Variants in IGF1R observed in about 807,000 individuals in gnomAD.
IGF1R encodes insulin-like growth factor 1 receptor.
A neutral mutation model predicts 144.6 loss-of-function variants in IGF1R; 44 were observed. The observed-to-expected ratio is 0.30, with a 90% CI of 0.24 to 0.39. The LOEUF (loss-of-function observed/expected upper bound fraction) is 0.39. Among genes scored for constraint, IGF1R ranks in the 10% least tolerant of loss-of-function variants. The probability of loss-of-function intolerance (pLI) is 1.00; values close to 1 mark genes in which losing one functional copy is unlikely to be tolerated. For missense variants in IGF1R, 1,355 were observed against 1,833.7 expected, an observed-to-expected ratio of 0.74 and a Z score of 4.77; for synonymous variants, 795 against 722.8, an observed-to-expected ratio of 1.10 and a Z score of -1.60.
intron 2 of IGF1R, among the ~76,000 whole-genome samples, chr15:98,872,766 C>A (rs899994248): frequency 1.4e-4 from 21 of 152,010 alleles, no homozygotes; most frequent in African/African-American, 5.1e-4. Flanking sequence ...GCCTGCCATC[C>A]CCATGCTCTG....
chr15:98,776,302 G>A (rs1404851651), intron 2 of IGF1R, among the ~76,000 whole-genome samples: 5 of 151,280 alleles, frequency 3.3e-5, no homozygotes, highest in Admixed American at 1.3e-4. Context: ...CTCCTGCCTC[G>A]GCCTTCTGAG....
chr15:98,880,501 C>T lies in IGF1R; in HGVS notation c.641-10824C>T, dbSNP rs143427375. ...CTCATTAATTAAGTGTTCACAGATA[C>T]ATTCAGCAGCCAAACCTTGTGGCAT... is the stretch of plus-strand genomic sequence containing the variant. On this transcript the variant is annotated intron_variant, in intron 2 of 20. Transcript: ENST00000650285. Among the ~76,000 whole-genome samples, 444 of 152,354 alleles carry T rather than the reference C, an allele frequency of 2.9e-3. 6 individuals are homozygous for T. The highest frequency in any genetic ancestry group is 0.01 in the African/African-American group (420 of 41,574).
At position 98,958,880 on chromosome 15, in the gene IGF1R, T is replaced by G. The variant is rs368373122; in HGVS notation, c.*1438T>G. The G allele has an allele frequency of 4.3e-6, 1 of 233,484 alleles. No individual in the cohort carries two copies. Among genetic ancestry groups the G allele is most frequent in the African/African-American group, 2.2e-5 (1 of 45,336 alleles). The allele number at this position is 233,484 out of a possible 1,614,324, so 14.5% of individuals were successfully genotyped here. ...GATACTTCTATCACATAATTTGCCA[T>G]GAACTGTTGGATGCCTTTTTATAAA... On this transcript the variant is annotated 3_prime_UTR_variant, in exon 21 of 21. Coordinates refer to ENST00000650285, the MANE Select transcript of IGF1R (RefSeq NM_000875.5).
intron 2 of IGF1R, among the ~76,000 whole-genome samples, chr15:98,869,655 G>C (rs181100981): frequency 3.9e-5 from 6 of 151,950 alleles, no homozygotes; most frequent in Non-Finnish European, 8.8e-5. Flanking sequence ...GGGTGGTCTC[G>C]AACTCCCATC....
At chr15:98,929,165 A>G (rs1035783540) in intron 13 of IGF1R, among the ~76,000 whole-genome samples, 2 of 152,080 alleles carry the variant, frequency 1.3e-5, no homozygotes, top group African/African-American at 4.8e-5. Flanking sequence ...GGCAGATGCT[A>G]GGCTGGGTAC....
intron 2 of IGF1R, among the ~76,000 whole-genome samples, chr15:98,772,824 AGAT>A (rs1199013822): frequency 1.3e-5 from 2 of 152,104 alleles, no homozygotes; most frequent in Non-Finnish European, 2.9e-5. Flanking sequence ...AGACAAATAA[AGAT>A]GATATTACGA....
chr15:98,938,864 A>C (rs1390138296), intron 17 of IGF1R, among the ~76,000 whole-genome samples: 2 of 152,252 alleles, frequency 1.3e-5, no homozygotes, highest in Non-Finnish European at 2.9e-5. Flanking sequence ...TAGGAATTTG[A>C]GTAACTGAGA....
chr15:98,733,133 T>C (rs2054532437), intron 2 of IGF1R, among the ~76,000 whole-genome samples: 1 of 152,194 alleles, frequency 6.6e-6, no homozygotes. Flanking sequence ...TTGGTGGCGA[T>C]GGAACCACCA....
At chr15:98,823,376 A>G (rs4246340) in intron 2 of IGF1R, among the ~76,000 whole-genome samples, 1 of 152,056 alleles carries the variant, frequency 6.6e-6, no homozygotes, top group African/African-American at 2.4e-5. Context: ...AACAGGAGTA[A>G]TGGTTTAAGC....
Position 98,707,975 on chromosome 15 carries a change from G to T in IGF1R, c.508G>T (p.Val170Leu), listed in dbSNP as rs1419820249. The T allele has an allele frequency of 6.2e-7, 1 of 1,614,162 alleles. No individual in the cohort carries two copies. Among genetic ancestry groups the T allele is most frequent in the East Asian group, 2.2e-5 (1 of 44,890 alleles). ...GGATGCGGTGTCCAATAACTACATTGTGGGGAATAAGCCCCCAAAGGAATG... is the reference window on the plus strand; with the variant it reads ...GGATGCGGTGTCCAATAACTACATTTTGGGGAATAAGCCCCCAAAGGAATG... ...ILDAVSNNYIVGNKPPKECGD... is the reference protein window; with the variant it reads ...ILDAVSNNYILGNKPPKECGD... Residue 170 changes from valine (V) to leucine (L), a missense_variant, in exon 2 of 21, where the codon GTG (valine) becomes TTG (leucine). This residue lies in a region of IGF1R where 880 missense variants were observed against 1,202.7 expected (regional missense o/e 0.73). Coordinates refer to ENST00000650285, the MANE Select transcript of IGF1R (RefSeq NM_000875.5). The surrounding 1 kb of genome is among the most constrained non-coding windows in gnomAD (Gnocchi z 6.7).
intron 4 of IGF1R, chr15:98,897,440 G>T (rs1284540460): frequency 6.1e-6 from 1 of 164,248 alleles, no homozygotes; most frequent in African/African-American, 2.4e-5. Flanking sequence ...ATAAAGTTTC[G>T]GTCTCACCCC....
chr15:98,669,452 T>C (rs902230495), intron 1 of IGF1R, among the ~76,000 whole-genome samples: 10 of 152,180 alleles, frequency 6.6e-5, no homozygotes, highest in African/African-American at 2.4e-4. Context: ...TGAAGGCCAG[T>C]GTGCCACCTT....
At chr15:98,936,306 C>T (rs1297825487) in intron 17 of IGF1R, among the ~76,000 whole-genome samples, 1 of 152,202 alleles carries the variant, frequency 6.6e-6, no homozygotes, top group Non-Finnish European at 1.5e-5. Flanking sequence ...AAGTCCTATG[C>T]AATTTTTCAT....
At chr15:98,677,128 G>T (rs997341198) in intron 1 of IGF1R, among the ~76,000 whole-genome samples, 6 of 151,800 alleles carry the variant, frequency 4.0e-5, no homozygotes, top group African/African-American at 1.5e-4. Context: ...TTAGGGGCAG[G>T]ATCTTGCTGT....
At chr15:98,895,020 C>CAAA (rs368393677) in intron 3 of IGF1R, among the ~76,000 whole-genome samples, 5 of 112,516 alleles carry the variant, frequency 4.4e-5, no homozygotes, top group Non-Finnish European at 7.5e-5. Context: ...GACCCTGTCT[C>CAAA]AAAAAAAAAA....
intron 1 of IGF1R, among the ~76,000 whole-genome samples, chr15:98,656,742 CTACTT>C (rs141249267): frequency 0.019 from 2,856 of 152,260 alleles, 88 homozygotes; most frequent in African/African-American, 0.063. Context: ...CCATAGGTCT[CTACTT>C]CAGTAAGAGT....
chr15:98,737,022 T>C (rs2054627408), intron 2 of IGF1R, among the ~76,000 whole-genome samples: 1 of 152,192 alleles, frequency 6.6e-6, no homozygotes, highest in Admixed American at 6.5e-5. Flanking sequence ...CTAAGATGTA[T>C]TCAAAGTCAG....
chr15:98,899,311 G>A (rs1198246770), intron 4 of IGF1R, among the ~76,000 whole-genome samples, 166 bp from the exon 5 acceptor site: 1 of 152,222 alleles, frequency 6.6e-6, no homozygotes, highest in Non-Finnish European at 1.5e-5. Flanking sequence ...GTTGTTGAGA[G>A]TCAAGCCAGG....
intron 15 of IGF1R, among the ~76,000 whole-genome samples, chr15:98,931,643 G>T (rs1045337477): frequency 1.3e-5 from 2 of 151,378 alleles, no homozygotes; most frequent in South Asian, 4.2e-4. Flanking sequence ...CATTCTGGAC[G>T]GATGCACACC....
Sources: gnomAD v4.1 joint callset for allele counts (sites outside exome capture counted in the v4.1 genomes callset) on GRCh38, gnomAD v4.1.1 for gene constraint, gnomAD v4.1.1 regional missense constraint, Gnocchi (gnomAD v3.1) non-coding constraint, MANE v1.5 for transcripts, NCBI Gene and HGNC (gene_info 2026-07-23, HGNC 2026-07-21) for gene names.